The following GABRB1 variants were observed in gnomAD, a reference collection of about 807,000 sequenced individuals.
GABRB1 encodes gamma-aminobutyric acid type A receptor subunit beta1.
In GABRB1, 17 loss-of-function variants were observed where a neutral mutation model predicts 51.6. That is an observed-to-expected ratio of 0.33 (90% CI 0.23 to 0.49). The LOEUF is 0.49. GABRB1 is among the 20% of genes least tolerant of loss of function. The pLI is 0.99. For missense variants in GABRB1, 410 were observed against 600.6 expected, an observed-to-expected ratio of 0.68 and a Z score of 3.32; for synonymous variants, 247 against 218.9, an observed-to-expected ratio of 1.13 and a Z score of -1.14.
intron 3 of GABRB1, among the ~76,000 whole-genome samples, chr4:47,134,711 T>C (rs1204155173): frequency 1.3e-5 from 2 of 152,180 alleles, no homozygotes; most frequent in Non-Finnish European, 2.9e-5. Flanking sequence ...GATGAAATAA[T>C]TCCGTTTTCT....
At chr4:47,224,666 AG>A (rs1376582250) in intron 4 of GABRB1, among the ~76,000 whole-genome samples, 1 of 152,152 alleles carries the variant, frequency 6.6e-6, no homozygotes, top group Non-Finnish European at 1.5e-5. Context: ...GGAATCTGCC[AG>A]GACAGACATG....
At chr4:47,106,302 G>T (rs574729392) in intron 3 of GABRB1, among the ~76,000 whole-genome samples, 1 of 152,066 alleles carries the variant, frequency 6.6e-6, no homozygotes, top group South Asian at 2.1e-4. Flanking sequence ...AAGACTCCAG[G>T]CTTGGTCTAT....
chr4:47,019,493 T>C (rs200216794), intron 1 of GABRB1, among the ~76,000 whole-genome samples: 1 of 40,622 alleles, frequency 2.5e-5, no homozygotes, highest in African/African-American at 8.8e-5. Flanking sequence ...GGAAATTTAA[T>C]TTTCTCATAG....
At chr4:47,122,169 A>T (rs1019962973) in intron 3 of GABRB1, among the ~76,000 whole-genome samples, 5 of 152,138 alleles carry the variant, frequency 3.3e-5, no homozygotes, top group Non-Finnish European at 7.4e-5. Flanking sequence ...CTCCAAAATC[A>T]CATAACTGGA....
chr4:47,008,269 C>T (rs1724470648), intron 1 of GABRB1, among the ~76,000 whole-genome samples: 1 of 151,792 alleles, frequency 6.6e-6, no homozygotes, highest in Admixed American at 6.6e-5. Context: ...CAAAAGTGCC[C>T]TATAGTCACT....
chr4:47,193,072 A>T (rs780351119), intron 4 of GABRB1, among the ~76,000 whole-genome samples: 9 of 152,218 alleles, frequency 5.9e-5, no homozygotes, highest in Non-Finnish European at 1.3e-4. Flanking sequence ...CTAGCACTAT[A>T]GAAATAAATA....
chr4:47,122,628 GAC>G (rs34403048), intron 3 of GABRB1, among the ~76,000 whole-genome samples: 136,519 of 151,992 alleles, frequency 0.9, 61,387 homozygotes, highest in South Asian at 0.93. Flanking sequence ...AGTCTCAAAG[GAC>G]ACTGGGTGCT....
At chr4:47,373,533 C>T (rs372312151) in intron 5 of GABRB1, among the ~76,000 whole-genome samples, 6 of 152,270 alleles carry the variant, frequency 3.9e-5, no homozygotes, top group African/African-American at 1.4e-4. Flanking sequence ...ATATGTGAGA[C>T]CCAGACTGGG....
At chr4:47,142,823 G>A (rs1364049868) in intron 3 of GABRB1, among the ~76,000 whole-genome samples, 2 of 151,920 alleles carry the variant, frequency 1.3e-5, no homozygotes, top group East Asian at 3.9e-4. Context: ...ACCAAGATGT[G>A]CCTGGGATGT....
chr4:47,193,330 C>G (rs867619950), intron 4 of GABRB1, among the ~76,000 whole-genome samples: 2 of 152,268 alleles, frequency 1.3e-5, no homozygotes, highest in South Asian at 4.2e-4. Context: ...CCACATTGGT[C>G]AGGCTGATCT....
At chr4:47,153,085 G>A (rs923436210) in intron 3 of GABRB1, among the ~76,000 whole-genome samples, 1 of 151,988 alleles carries the variant, frequency 6.6e-6, no homozygotes, top group African/African-American at 2.4e-5. Flanking sequence ...GAACTGAGAA[G>A]CCTGCAGAGA....
In GABRB1 at chr4:47,238,457, C is replaced by T. The variant is rs564144185; in HGVS notation, c.461+76988C>T. On this transcript the variant is annotated intron_variant, in intron 4 of 8. Coordinates refer to ENST00000295454, the MANE Select transcript of GABRB1 (RefSeq NM_000812.4). ...TTATACTTTGGTATTTTTAAAGATG[C>T]TTTTTAAGTAACTTGTGTTGGAAAC... is the stretch of plus-strand genomic sequence containing the variant. 8.2e-4 allele frequency among the ~76,000 whole-genome samples: 125 copies of T among 152,138 alleles called. 1 individual carries two copies. Among genetic ancestry groups the T allele is most frequent in the African/African-American group, 2.9e-3 (122 of 41,548 alleles).
At chr4:47,162,792 T>G (rs1470190844) in intron 4 of GABRB1, among the ~76,000 whole-genome samples, 3 of 152,110 alleles carry the variant, frequency 2.0e-5, no homozygotes, top group Non-Finnish European at 2.9e-5. Flanking sequence ...GCACCACTGC[T>G]TTAATCCCTT....
intron 5 of GABRB1, among the ~76,000 whole-genome samples, chr4:47,360,426 G>T (rs1012969262): frequency 1.3e-5 from 2 of 151,680 alleles, no homozygotes; most frequent in Non-Finnish European, 2.9e-5. Context: ...TCATATGTAG[G>T]GAAATAGCCA....
In GABRB1 at chr4:47,018,192, C is replaced by CT. The variant is rs1157907680; in HGVS notation, c.-19-13712dup. On this transcript the variant is annotated intron_variant, in intron 1 of 3. Transcript: ENST00000513567. ...TTTTCTTCTTCTCTTCTTCTTCTTT[C>CT]TTTTTTTTTTGGTTTTGGAGAGACA... 2.0e-3 allele frequency among the ~76,000 whole-genome samples: 292 copies of CT among 142,892 alleles called. 4 individuals carry two copies. The highest frequency in any genetic ancestry group is 6.4e-3 in the African/African-American group (248 of 38,886). 93.7% of individuals were successfully genotyped at this position (142,892 alleles called of 152,430 possible).
At chr4:47,094,891 G>C (rs1041492535) in intron 3 of GABRB1, among the ~76,000 whole-genome samples, 6 of 152,230 alleles carry the variant, frequency 3.9e-5, no homozygotes, top group African/African-American at 1.4e-4. Context: ...CTGTTATTAG[G>C]ATTGAATCTT....
intron 1 of GABRB1, among the ~76,000 whole-genome samples, chr4:46,996,185 T>C (rs932964927): frequency 6.6e-6 from 1 of 152,098 alleles, no homozygotes; most frequent in East Asian, 1.9e-4. Flanking sequence ...TAGCCCAGGA[T>C]TGTCAGTGAA....
intron 3 of GABRB1, among the ~76,000 whole-genome samples, chr4:47,066,056 C>T (rs186090356): frequency 1.3e-5 from 2 of 152,240 alleles, no homozygotes; most frequent in Non-Finnish European, 2.9e-5. Context: ...TGGGCCAGGG[C>T]TGTCAAAGCC....
At chr4:47,133,837 C>T (rs978455254) in intron 3 of GABRB1, among the ~76,000 whole-genome samples, 2 of 152,128 alleles carry the variant, frequency 1.3e-5, no homozygotes, top group Non-Finnish European at 2.9e-5. Flanking sequence ...CCAGGTTTCT[C>T]TGTTATAAAT....
Sources: allele counts gnomAD v4.1 joint callset (sites outside exome capture counted in the v4.1 genomes callset), GRCh38; gene constraint gnomAD v4.1.1; transcripts MANE v1.5; gene names NCBI Gene and HGNC (gene_info 2026-07-23, HGNC 2026-07-21).